The following GRM8 variants were observed in gnomAD, a reference collection of about 807,000 sequenced individuals.
GRM8 encodes glutamate metabotropic receptor 8.
GRM8 carries 47 observed loss-of-function variants against 87.2 expected under a neutral mutation model. The ratio of observed to expected loss-of-function variants is 0.54; its 90% CI spans 0.43 to 0.69. GRM8 has a LOEUF of 0.69. Ranked by LOEUF, GRM8 falls within the 30% of genes least tolerant of loss-of-function variation. The pLI, the probability that GRM8 is intolerant of heterozygous loss-of-function variation, is 0.00. For missense variants in GRM8, 1,019 were observed against 1,139.2 expected (o/e 0.89, Z 1.52); for synonymous variants, 396 against 404.5 (o/e 0.98, Z 0.25).
intron 8 of GRM8, among the ~76,000 whole-genome samples, chr7:126,561,732 G>A (rs1013790367): frequency 3.3e-5 from 5 of 150,870 alleles, no homozygotes; most frequent in Non-Finnish European, 5.9e-5. Context: ...CCCATTAACT[G>A]GTCATTTAGC....
chr7:126,499,413 CA>C (rs201518620), intron 9 of GRM8, among the ~76,000 whole-genome samples: 184 of 134,290 alleles, frequency 1.4e-3, no homozygotes, highest in East Asian at 5.4e-3. Context: ...GAGGTTCCTC[CA>C]AAAAAAAAAA....
chr7:126,603,727 A>G (rs1388289452), intron 8 of GRM8, among the ~76,000 whole-genome samples: 2 of 152,094 alleles, frequency 1.3e-5, no homozygotes, highest in African/African-American at 4.8e-5. Flanking sequence ...ATGTGTGTGT[A>G]CATATATATA....
chr7:127,237,179 T>C (rs1305859733), intron 2 of GRM8, among the ~76,000 whole-genome samples: 1 of 152,196 alleles, frequency 6.6e-6, no homozygotes, highest in African/African-American at 2.4e-5. Flanking sequence ...ACCAGTCCTC[T>C]CTCACCTAAG....
chr7:126,442,361 A>ATTTATTT (rs1801566555), intron 10 of GRM8, among the ~76,000 whole-genome samples: 1 of 152,024 alleles, frequency 6.6e-6, no homozygotes, highest in Non-Finnish European at 1.5e-5. Context: ...AATTTATATA[A>ATTTATTT]TACTCTCGTA....
At chr7:126,601,277 C>T (rs1385701750) in intron 8 of GRM8, among the ~76,000 whole-genome samples, 1 of 152,096 alleles carries the variant, frequency 6.6e-6, no homozygotes, top group Admixed American at 6.6e-5. Flanking sequence ...TTTTTTATGG[C>T]TGCATAGTAT....
At chr7:126,562,476 C>T (rs1793808914) in intron 8 of GRM8, among the ~76,000 whole-genome samples, 1 of 152,026 alleles carries the variant, frequency 6.6e-6, no homozygotes, top group African/African-American at 2.4e-5. Context: ...CAAAGAAATG[C>T]AATACTAAGT....
intron 3 of GRM8, among the ~76,000 whole-genome samples, chr7:126,932,203 C>G (rs1271914016): frequency 6.6e-6 from 1 of 152,038 alleles, no homozygotes; most frequent in African/African-American, 2.4e-5. Context: ...TGCTATGAGT[C>G]TTTCTTTAGA....
At chr7:126,605,158 T>C (rs956808372) in intron 8 of GRM8, among the ~76,000 whole-genome samples, 2 of 152,166 alleles carry the variant, frequency 1.3e-5, no homozygotes, top group Non-Finnish European at 2.9e-5. Context: ...AGCATATGGC[T>C]GTTCTTTTCA....
At chr7:126,737,297 C>A (rs1197178274) in intron 7 of GRM8, among the ~76,000 whole-genome samples, 1 of 151,954 alleles carries the variant, frequency 6.6e-6, no homozygotes, top group Admixed American at 6.6e-5. Flanking sequence ...GTGATCTCCA[C>A]CAAGGAACTG....
At chr7:127,051,110 A>G (rs1819424892) in intron 3 of GRM8, among the ~76,000 whole-genome samples, 1 of 152,194 alleles carries the variant, frequency 6.6e-6, no homozygotes, top group Non-Finnish European at 1.5e-5. Flanking sequence ...TTGAATAGTC[A>G]ATTGGAACCC....
chr7:127,061,708 C>T (rs1482934467), intron 3 of GRM8, among the ~76,000 whole-genome samples: 3 of 152,244 alleles, frequency 2.0e-5, no homozygotes, highest in South Asian at 4.1e-4. Flanking sequence ...TCTCTGCTAT[C>T]GTTACTGATG....
chr7:126,686,820 C>T (rs1808241719), intron 7 of GRM8, among the ~76,000 whole-genome samples: 1 of 152,190 alleles, frequency 6.6e-6, no homozygotes, highest in South Asian at 2.1e-4. Flanking sequence ...AAAGGTGCCA[C>T]CAGCCATAGA....
intron 8 of GRM8, among the ~76,000 whole-genome samples, chr7:126,537,499 G>T (rs1047540605): frequency 2.0e-5 from 3 of 152,140 alleles, no homozygotes; most frequent in African/African-American, 7.2e-5. Flanking sequence ...TATTTGGACC[G>T]GACGTGGTGG....
intron 3 of GRM8, among the ~76,000 whole-genome samples, chr7:126,963,197 T>C (rs1809492767): frequency 6.6e-6 from 1 of 152,192 alleles, no homozygotes; most frequent in African/African-American, 2.4e-5. Context: ...TCTCTTTATT[T>C]TGGCCAGATT....
intron 2 of GRM8, among the ~76,000 whole-genome samples, chr7:127,119,174 C>T (rs961542744): frequency 4.6e-5 from 7 of 151,986 alleles, no homozygotes; most frequent in South Asian, 4.2e-4. Flanking sequence ...ATACAACAGG[C>T]GATGGGGAGC....
Position 126,845,014 on chromosome 7 carries a change from G to T in GRM8, c.1156+57528C>A, listed in dbSNP as rs919364106. Among the ~76,000 whole-genome samples the T allele has an allele frequency of 2.6e-5, 4 of 152,200 alleles. No individual in the cohort carries two copies. The Middle Eastern group carries it at 0.01, about 388-fold the overall frequency. Reference sequence around the variant, plus strand: ...GGGATCCAGGATTTGCACCCTAATTGCCCTGACTCCAAGCCCACACCATCT... The same window carrying T: ...GGGATCCAGGATTTGCACCCTAATTTCCCTGACTCCAAGCCCACACCATCT... On this transcript the variant is annotated intron_variant, in intron 6 of 10. Coordinates refer to ENST00000339582, the MANE Select transcript of GRM8 (RefSeq NM_000845.3).
chr7:126,934,682 T>C (rs1182683673), intron 3 of GRM8, among the ~76,000 whole-genome samples: 4 of 152,132 alleles, frequency 2.6e-5, no homozygotes, highest in African/African-American at 9.7e-5. Context: ...GAGGTAGTCT[T>C]TTCTGTGATA....
intron 2 of GRM8, among the ~76,000 whole-genome samples, chr7:127,193,822 C>T (rs754002832): frequency 4.2e-4 from 64 of 152,298 alleles, no homozygotes; most frequent in Non-Finnish European, 8.2e-4. Context: ...GCTCTTTCTG[C>T]AGTATCTGTT....
At chr7:127,055,106 A>G (rs547636534) in intron 3 of GRM8, among the ~76,000 whole-genome samples, 2 of 152,218 alleles carry the variant, frequency 1.3e-5, no homozygotes, top group South Asian at 4.1e-4. Context: ...CTTGCCAAAG[A>G]TAACTTAATT....
Sources: allele counts gnomAD v4.1 joint callset (sites outside exome capture counted in the v4.1 genomes callset), GRCh38; gene constraint gnomAD v4.1.1; transcripts MANE v1.5; gene names NCBI Gene and HGNC (gene_info 2026-07-23, HGNC 2026-07-21).